Variants in SPOCK3 observed in about 807,000 individuals in gnomAD.
The protein encoded by SPOCK3 is testican-3.
In SPOCK3, 30 loss-of-function variants were observed where a neutral mutation model predicts 56.6. The ratio of observed to expected loss-of-function variants is 0.53; its 90% CI spans 0.40 to 0.72. SPOCK3 has a LOEUF of 0.72. SPOCK3 is among the 30% of genes least tolerant of loss of function. The pLI, the probability that SPOCK3 is intolerant of heterozygous loss-of-function variation, is 0.00. For synonymous variants in SPOCK3, 196 were observed against 183.3 expected, an observed-to-expected ratio of 1.07 and a Z score of -0.56; for missense variants, 527 against 530.0, an observed-to-expected ratio of 0.99 and a Z score of 0.06.
chr4:166,848,327 T>C (rs934400091), intron 6 of SPOCK3, among the ~76,000 whole-genome samples: 5 of 152,200 alleles, frequency 3.3e-5, no homozygotes, highest in Admixed American at 2.6e-4. Flanking sequence ...GGGGAAAAAA[T>C]ACTAAAACAT....
At chr4:166,916,201 G>A (rs531293367) in intron 4 of SPOCK3, among the ~76,000 whole-genome samples, 3 of 151,338 alleles carry the variant, frequency 2.0e-5, no homozygotes, top group African/African-American at 2.4e-5. Context: ...AGAATCATTC[G>A]TTTCAAAGAT....
At chr4:167,049,787 C>A (rs1754032654) in intron 3 of SPOCK3, among the ~76,000 whole-genome samples, 1 of 152,078 alleles carries the variant, frequency 6.6e-6, no homozygotes, top group Non-Finnish European at 1.5e-5. Context: ...TCTTGTGGAA[C>A]AATTCTATAT....
intron 4 of SPOCK3, among the ~76,000 whole-genome samples, chr4:166,966,007 T>C (rs1203210843): frequency 6.6e-6 from 1 of 152,072 alleles, no homozygotes; most frequent in African/African-American, 2.4e-5. Context: ...TTCCATTCCT[T>C]CCTTCAGACC....
At chr4:166,993,540 A>G (rs1748030009) in intron 4 of SPOCK3, among the ~76,000 whole-genome samples, 1 of 152,176 alleles carries the variant, frequency 6.6e-6, no homozygotes, top group Admixed American at 6.6e-5. Flanking sequence ...CTATAACACA[A>G]TGGTGGCTCA....
intron 2 of SPOCK3, among the ~76,000 whole-genome samples, chr4:167,173,444 T>C (rs923045597): frequency 4.1e-4 from 62 of 152,124 alleles, no homozygotes; most frequent in African/African-American, 1.4e-3. Flanking sequence ...CGGAAAGAAG[T>C]GTTAGTCTTT....
At chr4:167,068,261 A>G (rs1756352998) in intron 2 of SPOCK3, among the ~76,000 whole-genome samples, 1 of 146,288 alleles carries the variant, frequency 6.8e-6, no homozygotes. Flanking sequence ...AGAAGAAGAA[A>G]AGTCTAAACT....
chr4:167,196,634 A>G (rs541433997), intron 2 of SPOCK3, among the ~76,000 whole-genome samples: 2 of 152,240 alleles, frequency 1.3e-5, no homozygotes, highest in African/African-American at 4.8e-5. Flanking sequence ...TGCAGACCTC[A>G]TATTTTGTGC....
chr4:167,194,797 T>A (rs1275470290), intron 2 of SPOCK3, among the ~76,000 whole-genome samples: 1 of 152,124 alleles, frequency 6.6e-6, no homozygotes, highest in Non-Finnish European at 1.5e-5. Flanking sequence ...GTAGGGCTAG[T>A]GCTGGGACAA....
At chr4:166,886,459 T>C (rs1734210304) in intron 6 of SPOCK3, among the ~76,000 whole-genome samples, 1 of 152,134 alleles carries the variant, frequency 6.6e-6, no homozygotes, top group Non-Finnish European at 1.5e-5. Context: ...GTTTAAAACA[T>C]GGAATTTATC....
At chr4:167,093,989 A>G (rs1227993788) in intron 2 of SPOCK3, among the ~76,000 whole-genome samples, 4 of 152,178 alleles carry the variant, frequency 2.6e-5, no homozygotes, top group African/African-American at 9.7e-5. Context: ...TAGACTAAGA[A>G]TTCTTGGGCT....
chr4:167,060,492 T>A (rs1755477080), intron 3 of SPOCK3, among the ~76,000 whole-genome samples: 1 of 152,014 alleles, frequency 6.6e-6, no homozygotes. Context: ...TCAATTTGAC[T>A]CAAAGCGAAA....
At chr4:167,109,400 TA>T (rs1472733045) in intron 2 of SPOCK3, among the ~76,000 whole-genome samples, 28 of 84,172 alleles carry the variant, frequency 3.3e-4, no homozygotes, top group South Asian at 7.7e-4. Context: ...AATATATATT[TA>T]TATATAAATA....
At chr4:166,937,992 A>G (rs1740638231) in intron 4 of SPOCK3, among the ~76,000 whole-genome samples, 1 of 149,976 alleles carries the variant, frequency 6.7e-6, no homozygotes. Context: ...GTTAGCCAGA[A>G]AGCTCTCAAT....
chr4:166,924,227 T>A (rs1738820084), intron 4 of SPOCK3, among the ~76,000 whole-genome samples: 1 of 152,178 alleles, frequency 6.6e-6, no homozygotes, highest in Admixed American at 6.6e-5. Flanking sequence ...ATATTTAACA[T>A]AATTTCTTCC....
chr4:166,952,428 A>C (rs1194258553), intron 4 of SPOCK3, among the ~76,000 whole-genome samples: 1 of 152,180 alleles, frequency 6.6e-6, no homozygotes, highest in Non-Finnish European at 1.5e-5. Flanking sequence ...TCAAGGAAAT[A>C]AAAGAGGATA....
intron 4 of SPOCK3, among the ~76,000 whole-genome samples, chr4:166,979,292 C>A (rs1046288489): frequency 1.1e-4 from 17 of 152,038 alleles, no homozygotes; most frequent in Non-Finnish European, 2.4e-4. Context: ...CCCTCTTTCT[C>A]CTGCACCATA....
At chr4:167,182,185 CT>C (rs999097938) in intron 2 of SPOCK3, among the ~76,000 whole-genome samples, 2 of 151,890 alleles carry the variant, frequency 1.3e-5, no homozygotes, top group East Asian at 3.9e-4. Flanking sequence ...AATCTGGCAA[CT>C]TTTTTTTCCC....
At chr4:167,006,176 T>A (rs1749454334) in intron 3 of SPOCK3, among the ~76,000 whole-genome samples, 1 of 152,178 alleles carries the variant, frequency 6.6e-6, no homozygotes. Flanking sequence ...CAGTTTTAGA[T>A]ATCAGAAAAT....
chr4:167,155,094 T>C (rs1315600118), intron 2 of SPOCK3, among the ~76,000 whole-genome samples: 4 of 152,146 alleles, frequency 2.6e-5, no homozygotes, highest in Non-Finnish European at 4.4e-5. Flanking sequence ...AAATGTATCA[T>C]AATTTATTCA....
Sources: allele counts gnomAD v4.1 joint callset (sites outside exome capture counted in the v4.1 genomes callset), GRCh38; gene constraint gnomAD v4.1.1; transcripts MANE v1.5; gene names NCBI Gene and HGNC (gene_info 2026-07-23, HGNC 2026-07-21).